Variants in AKAP6 observed in about 807,000 individuals in gnomAD.
The protein encoded by AKAP6 is A-kinase anchoring protein 6, also known as A-kinase anchor protein 6.
AKAP6 carries 58 observed loss-of-function variants against 188.5 expected under a neutral mutation model. The observed-to-expected ratio is 0.31, with a 90% CI of 0.25 to 0.38. The LOEUF (loss-of-function observed/expected upper bound fraction) is 0.38. Ranked by LOEUF, AKAP6 falls within the 10% of genes least tolerant of loss-of-function variation. The probability of loss-of-function intolerance (pLI) is 1.00; values close to 1 mark genes in which losing one functional copy is unlikely to be tolerated. For missense variants in AKAP6, 2,710 were observed against 2,740.0 expected, an observed-to-expected ratio of 0.99 and a Z score of 0.24; for synonymous variants, 989 against 998.6, an observed-to-expected ratio of 0.99 and a Z score of 0.18.
At chr14:32,811,397 CTATT>C (rs2034230818) in intron 12 of AKAP6, among the ~76,000 whole-genome samples, 1 of 152,050 alleles carries the variant, frequency 6.6e-6, no homozygotes, top group South Asian at 2.1e-4. Flanking sequence ...AAATCATACT[CTATT>C]TATTTGAGAG....
chr14:32,428,541 G>A (rs983509638), intron 1 of AKAP6, among the ~76,000 whole-genome samples: 1 of 152,038 alleles, frequency 6.6e-6, no homozygotes, highest in African/African-American at 2.4e-5. Flanking sequence ...ATCCTGAAGG[G>A]CCGTTAGGGA....
intron 7 of AKAP6, among the ~76,000 whole-genome samples, chr14:32,623,046 CCA>C (rs1484914045): frequency 1.3e-5 from 2 of 152,074 alleles, no homozygotes; most frequent in South Asian, 2.1e-4. Flanking sequence ...GCCATGCCTT[CCA>C]CACACTATCC....
At chr14:32,463,754 C>A (rs1412528979) in intron 2 of AKAP6, among the ~76,000 whole-genome samples, 2 of 152,050 alleles carry the variant, frequency 1.3e-5, no homozygotes, top group Non-Finnish European at 2.9e-5. Context: ...CAGAGCAGAA[C>A]TGAAGGAGAT....
chr14:32,458,468 ATTC>A (rs1354575902), intron 2 of AKAP6, among the ~76,000 whole-genome samples: 2 of 152,158 alleles, frequency 1.3e-5, no homozygotes, highest in East Asian at 3.8e-4. Flanking sequence ...AGTTTTATAT[ATTC>A]TTAGGAAGTT....
intron 5 of AKAP6, among the ~76,000 whole-genome samples, chr14:32,588,149 A>G (rs887215263): frequency 2.0e-5 from 3 of 152,212 alleles, no homozygotes; most frequent in African/African-American, 4.8e-5. Flanking sequence ...GAACCTTTTT[A>G]TGGAAAAATG....
At chr14:32,702,879 G>C (rs889484860) in intron 9 of AKAP6, among the ~76,000 whole-genome samples, 12 of 151,994 alleles carry the variant, frequency 7.9e-5, no homozygotes, top group Non-Finnish European at 1.5e-5. Context: ...CCCTCCTTTT[G>C]GCAGAGATGG....
chr14:32,713,980 A>G (rs1369733716), intron 9 of AKAP6, among the ~76,000 whole-genome samples: 1 of 151,998 alleles, frequency 6.6e-6, no homozygotes, highest in Admixed American at 6.6e-5. Context: ...AAGCTTAGCT[A>G]TTTCTAGCTT....
chr14:32,773,629 G>A (rs1566701219), intron 11 of AKAP6, 49 bp from the exon 12 acceptor site: 1 of 1,528,148 alleles, frequency 6.5e-7, no homozygotes, highest in Non-Finnish European at 8.9e-7. Context: ...ATGTTTTAGG[G>A]AACTCTGCCC....
At chr14:32,815,175 C>T (rs10151073) in intron 12 of AKAP6, among the ~76,000 whole-genome samples, 6 of 152,178 alleles carry the variant, frequency 3.9e-5, no homozygotes, top group African/African-American at 9.6e-5. Context: ...GAAATGTGTC[C>T]GTGTCAGTAC....
chr14:32,367,828 T>G (rs965325135), intron 1 of AKAP6, among the ~76,000 whole-genome samples: 6 of 152,196 alleles, frequency 3.9e-5, no homozygotes, highest in Admixed American at 1.3e-4. Context: ...CTTCACTCAT[T>G]ACTACTTTTC....
At chr14:32,723,800 TA>T (rs1021156197) in intron 9 of AKAP6, among the ~76,000 whole-genome samples, 1 of 152,110 alleles carries the variant, frequency 6.6e-6, no homozygotes, top group Non-Finnish European at 1.5e-5. Context: ...TGTCTTTATT[TA>T]AAAAAATAGT....
At chr14:32,492,953 A>C (rs1044477376) in intron 2 of AKAP6, among the ~76,000 whole-genome samples, 1 of 152,202 alleles carries the variant, frequency 6.6e-6, no homozygotes, top group Non-Finnish European at 1.5e-5. Context: ...ATTAATCTAC[A>C]TTGTGAATTT....
At chr14:32,708,462 T>A (rs1890906195) in intron 9 of AKAP6, among the ~76,000 whole-genome samples, 1 of 151,762 alleles carries the variant, frequency 6.6e-6, no homozygotes, top group Admixed American at 6.6e-5. Context: ...TGACTTATCT[T>A]CCCAAAGCCG....
Position 32,545,798 on chromosome 14 carries a change from A to T in AKAP6, c.1145A>T (p.Asp382Val). 1.2e-6 allele frequency: 2 copies of T among 1,614,020 alleles called. No homozygotes were observed. Among genetic ancestry groups the T allele is most frequent in the Non-Finnish European group, 1.7e-6 (2 of 1,180,002 alleles). ...TIRDCFNYNE[D>V]SPTQPTLPKR... ...AGAGATTGCTTTAATTATAACGAGG[A>T]CTCTCCCACGCAGCCTACATTGCCA... is the stretch of plus-strand genomic sequence containing the variant. The change falls in exon 4 of 14, where the codon GAC becomes GTC. Residue 382 changes from aspartate (D) to valine (V), a missense_variant. Asp to Val is a radical substitution (Grantham distance 152). Coordinates refer to ENST00000280979, the MANE Select transcript of AKAP6 (RefSeq NM_004274.5).
At chr14:32,769,555 T>G (rs957450900) in intron 11 of AKAP6, among the ~76,000 whole-genome samples, 4 of 9,996 alleles carry the variant, frequency 4.0e-4, no homozygotes, top group Admixed American at 1.6e-3. Flanking sequence ...TTCATGGGTT[T>G]TTTTTTTTTT....
intron 12 of AKAP6, among the ~76,000 whole-genome samples, chr14:32,781,302 C>T (rs901285846): frequency 6.6e-5 from 10 of 150,512 alleles, no homozygotes; most frequent in South Asian, 2.1e-4. Flanking sequence ...CAGCCAAGAT[C>T]GCGCCATTGC....
At chr14:32,694,067 G>A (rs1384996745) in intron 8 of AKAP6, among the ~76,000 whole-genome samples, 2 of 152,040 alleles carry the variant, frequency 1.3e-5, no homozygotes, top group Admixed American at 1.3e-4. Flanking sequence ...TACTCAGAAA[G>A]TGTGGTCCAT....
chr14:32,457,429 C>A lies in AKAP6; in HGVS notation c.324+23612C>A, dbSNP rs565241076. On this transcript the variant is annotated intron_variant, in intron 2 of 13. Transcript: ENST00000280979. Reference sequence around the variant, plus strand: ...GAGGTAACTCAGAATTAGAAACTTGCCTTGGGTAACTGAGAGTTCTTAATA... The same window carrying A: ...GAGGTAACTCAGAATTAGAAACTTGACTTGGGTAACTGAGAGTTCTTAATA... 2.6e-5 allele frequency among the ~76,000 whole-genome samples: 4 copies of A among 152,192 alleles called. No homozygotes were observed. In the South Asian group the frequency reaches 8.3e-4, roughly 32 times the overall value.
At chr14:32,678,527 G>A in intron 8 of AKAP6, 68 bp downstream of exon 8, 2 of 1,575,038 alleles carry the variant, frequency 1.3e-6, no homozygotes, top group Non-Finnish European at 1.7e-6. Context: ...TCCACTGGTA[G>A]GTGTTAGGAA....
Sources: gnomAD v4.1 joint callset for allele counts (sites outside exome capture counted in the v4.1 genomes callset) on GRCh38, gnomAD v4.1.1 for gene constraint, MANE v1.5 for transcripts, NCBI Gene and HGNC (gene_info 2026-07-23, HGNC 2026-07-21) for gene names.